The following IMMP2L variants were observed in gnomAD, a reference collection of about 807,000 sequenced individuals.
The protein encoded by IMMP2L is inner mitochondrial membrane peptidase subunit 2.
Under a neutral mutation model 19.3 loss-of-function variants are expected in IMMP2L, and 18 were observed. The observed-to-expected ratio is 0.93, with a 90% CI of 0.64 to 1.38. The LOEUF is 1.38. Ranked by LOEUF, IMMP2L falls within the 40% of genes most tolerant of loss-of-function variation. The pLI is 0.00. For synonymous variants in IMMP2L, 76 were observed against 73.0 expected (o/e 1.04, Z -0.21); for missense variants, 233 against 218.2 (o/e 1.07, Z -0.43).
At chr7:110,957,274 A>G (rs1179801972) in intron 4 of IMMP2L, among the ~76,000 whole-genome samples, 1 of 152,130 alleles carries the variant, frequency 6.6e-6, no homozygotes, top group South Asian at 2.1e-4. Flanking sequence ...TTGCCTTGTC[A>G]ATATAATCTA....
chr7:110,833,055 C>G (rs77283783), intron 5 of IMMP2L, among the ~76,000 whole-genome samples: 2 of 152,160 alleles, frequency 1.3e-5, no homozygotes, highest in Admixed American at 6.5e-5. Context: ...ATATTATGGC[C>G]TTGCTTCCTA....
chr7:111,109,910 C>T (rs867232453), intron 3 of IMMP2L, among the ~76,000 whole-genome samples: 5 of 152,014 alleles, frequency 3.3e-5, no homozygotes, highest in African/African-American at 4.8e-5. Context: ...CCAAGGTGGG[C>T]GGATCACAAG....
chr7:110,674,653 A>G (rs1186143200), intron 5 of IMMP2L, among the ~76,000 whole-genome samples: 3 of 152,248 alleles, frequency 2.0e-5, no homozygotes, highest in Non-Finnish European at 2.9e-5. Context: ...AAACGAACTG[A>G]AACAATATCC....
At chr7:111,504,345 T>C (rs2132483770) in intron 2 of IMMP2L, among the ~76,000 whole-genome samples, 1 of 152,216 alleles carries the variant, frequency 6.6e-6, no homozygotes, top group East Asian at 1.9e-4. Context: ...TGGAAGGGCA[T>C]TCCATGCTCA....
intron 5 of IMMP2L, among the ~76,000 whole-genome samples, chr7:110,692,607 T>C (rs1793599810): frequency 2.0e-5 from 3 of 152,152 alleles, no homozygotes; most frequent in Non-Finnish European, 4.4e-5. Flanking sequence ...CTGAAAATAA[T>C]CTTTTACTAA....
intron 3 of IMMP2L, among the ~76,000 whole-genome samples, chr7:111,059,534 C>CT (rs1170712504): frequency 6.6e-6 from 1 of 152,166 alleles, no homozygotes; most frequent in African/African-American, 2.4e-5. Flanking sequence ...CCCTGCTAGA[C>CT]TAACACTTCA....
intron 3 of IMMP2L, among the ~76,000 whole-genome samples, chr7:111,166,900 T>C (rs752375798): frequency 3.3e-5 from 5 of 152,024 alleles, no homozygotes; most frequent in Non-Finnish European, 5.9e-5. Context: ...AGAGCCCACC[T>C]GGATAATCCA....
At chr7:111,382,050 G>A (rs557751093) in intron 3 of IMMP2L, among the ~76,000 whole-genome samples, 7 of 151,918 alleles carry the variant, frequency 4.6e-5, no homozygotes, top group Admixed American at 6.6e-5. Flanking sequence ...AAATGCCTAC[G>A]CTGAAGCTAG....
chr7:110,761,155 T>C (rs1346081755), intron 5 of IMMP2L, among the ~76,000 whole-genome samples: 1 of 152,058 alleles, frequency 6.6e-6, no homozygotes, highest in Non-Finnish European at 1.5e-5. Flanking sequence ...TCTAACATAG[T>C]GGGATTCCAG....
chr7:111,187,689 C>A (rs967918013), intron 3 of IMMP2L, among the ~76,000 whole-genome samples: 1 of 152,104 alleles, frequency 6.6e-6, no homozygotes, highest in African/African-American at 2.4e-5. Context: ...AGGAGCTTAT[C>A]AGGTGGCAGG....
At chr7:110,664,248 A>T (rs573836549) in intron 5 of IMMP2L, among the ~76,000 whole-genome samples, 52 of 152,096 alleles carry the variant, frequency 3.4e-4, no homozygotes, top group Non-Finnish European at 5.4e-4. Context: ...AAATATATAT[A>T]TTTTGTGAAA....
intron 3 of IMMP2L, among the ~76,000 whole-genome samples, chr7:111,082,619 C>T (rs1449466871): frequency 1.3e-5 from 2 of 152,182 alleles, no homozygotes; most frequent in African/African-American, 4.8e-5. Flanking sequence ...CCCCTTCAGA[C>T]AGCCAGGCTT....
chr7:111,123,598 C>T lies in IMMP2L; in HGVS notation c.240-160033G>A, dbSNP rs1037509708. 11 of 1,612,706 alleles carry T rather than the reference C, an allele frequency of 6.8e-6. No homozygotes were observed. Among genetic ancestry groups the T allele is most frequent in the South Asian group, 1.1e-5 (1 of 91,032 alleles). ...AAATAAAAATCCTATTAATAGAATACGAAGGGGTGATTTTAGCAATATGCT... is the reference window on the plus strand; with the variant it reads ...AAATAAAAATCCTATTAATAGAATATGAAGGGGTGATTTTAGCAATATGCT... On this transcript the variant is annotated intron_variant, in intron 3 of 5. Coordinates refer to ENST00000405709, the MANE Select transcript of IMMP2L (RefSeq NM_032549.4). This position sits in a 1 kb window ranked among gnomAD's most constrained non-coding sequence, Gnocchi z 6.4.
chr7:111,291,276 G>C (rs1275626956), intron 3 of IMMP2L, among the ~76,000 whole-genome samples: 1 of 152,178 alleles, frequency 6.6e-6, no homozygotes, highest in Admixed American at 6.5e-5. Context: ...ACCAGTGGTT[G>C]CAGCAGCAGC....
chr7:110,928,905 A>C (rs2129551460), intron 4 of IMMP2L, among the ~76,000 whole-genome samples: 1 of 152,252 alleles, frequency 6.6e-6, no homozygotes, highest in East Asian at 1.9e-4. Flanking sequence ...CACAAAATGT[A>C]GTGACCTAGC....
chr7:111,485,532 G>C (rs1414518855), intron 3 of IMMP2L, among the ~76,000 whole-genome samples: 1 of 132,750 alleles, frequency 7.5e-6, no homozygotes, highest in African/African-American at 2.7e-5. Flanking sequence ...CAGGAGGCGG[G>C]GCTTGCAGTG....
chr7:110,913,601 T>C (rs1198630055), intron 4 of IMMP2L, among the ~76,000 whole-genome samples: 1 of 152,106 alleles, frequency 6.6e-6, no homozygotes, highest in Non-Finnish European at 1.5e-5. Context: ...AATTAAAAGA[T>C]AAAAATTTAA....
intron 3 of IMMP2L, among the ~76,000 whole-genome samples, chr7:111,090,077 C>T (rs1368152895): frequency 6.6e-6 from 1 of 151,778 alleles, no homozygotes; most frequent in Non-Finnish European, 1.5e-5. Flanking sequence ...ATATATTAAT[C>T]CTCATGTTCC....
Position 111,123,495 on chromosome 7 carries a change from C to A in IMMP2L, c.240-159930G>T. The A allele has an allele frequency of 6.2e-7, 1 of 1,613,828 alleles. No individual in the cohort carries two copies. The highest frequency in any genetic ancestry group is 8.5e-7 in the Non-Finnish European group (1 of 1,179,920). On this transcript the variant is annotated intron_variant, in intron 3 of 5. Coordinates refer to ENST00000405709, the MANE Select transcript of IMMP2L (RefSeq NM_032549.4). The surrounding 1 kb of genome is among the most constrained non-coding windows in gnomAD (Gnocchi z 6.4). ...TTGGACTGGAAAACTTAGAAAGCAT[C>A]TCTTTTTACGATAACAGGCTTATTA... is the stretch of plus-strand genomic sequence containing the variant.
Sources: allele counts gnomAD v4.1 joint callset (sites outside exome capture counted in the v4.1 genomes callset), GRCh38; gene constraint gnomAD v4.1.1; non-coding constraint Gnocchi (gnomAD v3.1); transcripts MANE v1.5; gene names NCBI Gene and HGNC (gene_info 2026-07-23, HGNC 2026-07-21).